Variants in MRPL21 observed in about 807,000 individuals in gnomAD.
MRPL21 encodes large ribosomal subunit protein bL21m.
Under a neutral mutation model 27.3 loss-of-function variants are expected in MRPL21, and 20 were observed. That is an observed-to-expected ratio of 0.73 (90% CI 0.52 to 1.06). The LOEUF (loss-of-function observed/expected upper bound fraction) is 1.06. Among genes scored for constraint, MRPL21 ranks in the 50% least tolerant of loss-of-function variants. The pLI is 0.00. For synonymous variants in MRPL21, 98 were observed against 101.5 expected (o/e 0.97, Z 0.21); for missense variants, 249 against 251.4 (o/e 0.99, Z 0.06).
chr11:68,891,493 C>A, intron 6 of MRPL21, 98 bp from the exon 7 acceptor site: 1 of 1,148,362 alleles, frequency 8.7e-7, no homozygotes, highest in Non-Finnish European at 1.3e-6. Context: ...CCAGCGCGAC[C>A]CCGGCAACGT....
rs1482728007 is a variant in MRPL21 at position 68,903,200 on chromosome 11, A to C, written c.88+523T>G. On this transcript the variant is annotated intron_variant, in intron 1 of 6. Transcript: ENST00000362034. ...CATAAACACTCATGCACACAAATACACACTCCAACCATTTTCAAGCAGAGA... is the reference window on the plus strand; with the variant it reads ...CATAAACACTCATGCACACAAATACCCACTCCAACCATTTTCAAGCAGAGA... 2.0e-5 allele frequency among the ~76,000 whole-genome samples: 3 copies of C among 152,304 alleles called. No homozygotes were observed. The East Asian group carries it at 5.8e-4, about 29-fold the overall frequency.
intron 2 of MRPL21, among the ~76,000 whole-genome samples, chr11:68,898,469 C>T (rs1171174141): frequency 2.0e-5 from 3 of 152,238 alleles, no homozygotes; most frequent in African/African-American, 4.8e-5. Context: ...CCTGCTCAAA[C>T]AGGACCATGA....
Position 68,896,573 on chromosome 11 carries a change from A to G in MRPL21, c.338T>C (p.Leu113Pro). ...SRQWKVTSED[L>P]ILIGNELDLA... ...GTCTAGTTCATTTCCAATTAAGATC[A>G]GGTCTTCAGAGGTCACCTTCCACTG... The change falls in exon 4 of 7, where the codon CTG becomes CCG. Residue 113 changes from leucine to proline, a missense_variant. Coordinates refer to ENST00000362034, the MANE Select transcript of MRPL21 (RefSeq NM_181514.2). The G allele has an allele frequency of 6.2e-7, 1 of 1,614,212 alleles. No homozygotes were observed. Among genetic ancestry groups the G allele is most frequent in the Non-Finnish European group, 8.5e-7 (1 of 1,180,020 alleles).
intron 1 of MRPL21, among the ~76,000 whole-genome samples, chr11:68,901,588 T>C (rs745994419): frequency 6.6e-6 from 1 of 152,196 alleles, no homozygotes; most frequent in African/African-American, 2.4e-5. Flanking sequence ...CATTTGCATC[T>C]CCTCGGCTGC....
chr11:68,903,374 G>A (rs1858019942), intron 1 of MRPL21, among the ~76,000 whole-genome samples: 1 of 152,142 alleles, frequency 6.6e-6, no homozygotes, highest in African/African-American at 2.4e-5. Context: ...TGGGGGCAGT[G>A]GTTCAAGCAC....
intron 2 of MRPL21, 141 bp downstream of exon 2, chr11:68,900,407 C>A: frequency 7.1e-6 from 6 of 840,668 alleles, no homozygotes; most frequent in Non-Finnish European, 1.1e-5. Flanking sequence ...GTCTGGGAAA[C>A]ATAGTGAAAC....
At chr11:68,897,785 A>AC in intron 3 of MRPL21, 142 bp downstream of exon 3, 2 of 625,808 alleles carry the variant, frequency 3.2e-6, no homozygotes, top group South Asian at 3.9e-5. Context: ...GTGAAAATGG[A>AC]CATGAGTGCT....
chr11:68,896,650 G>C lies in MRPL21; in HGVS notation c.261C>G (p.Ile87Met). ...AEVVKKVNEM[I>M]VTGQYGRLFA... is the part of the protein sequence containing the mutation. ...AGAGCCTGCCATACTGCCCCGTGAC[G>C]ATCATCTCATTCACCTTCTTCACGA... Residue 87 changes from isoleucine (I) to methionine (M), a missense_variant, in exon 4 of 7, where the codon ATC (isoleucine) becomes ATG (methionine). Physicochemically the swap from Ile to Met is conservative, Grantham distance 10. Transcript: ENST00000362034. The C allele has an allele frequency of 6.2e-7, 1 of 1,614,096 alleles. No homozygotes were observed. The highest frequency in any genetic ancestry group is 8.5e-7 in the Non-Finnish European group (1 of 1,179,994).
chr11:68,898,760 C>T (rs1418212032), intron 2 of MRPL21, among the ~76,000 whole-genome samples: 1 of 152,196 alleles, frequency 6.6e-6, no homozygotes, highest in Non-Finnish European at 1.5e-5. Context: ...TTCCCCTCCC[C>T]ACCCTCAGGA....
rs1455470871 is a variant in MRPL21, at chr11:68,903,577, C to T, written c.88+146G>A. 3.6e-5 allele frequency: 28 copies of T among 785,854 alleles called. 1 individual carries two copies. Among genetic ancestry groups the T allele is most frequent in the Middle Eastern group, 3.6e-4 (1 of 2,816 alleles). The allele number at this position is 785,854 out of a possible 1,614,324, so 48.7% of individuals were successfully genotyped here. On this transcript the variant is annotated intron_variant, in intron 1 of 6. Transcript: ENST00000362034. ...AGGAATCAAAATCTGAACCTGGGTT[C>T]CCCCGACTCCAAAACCCGTGCTATA...
intron 6 of MRPL21, 50 bp from the exon 7 acceptor site, chr11:68,891,445 T>C: frequency 1.9e-6 from 3 of 1,588,636 alleles, no homozygotes; most frequent in East Asian, 2.2e-5. Flanking sequence ...ACTGTTGTCA[T>C]CAGTTACAGC....
At chr11:68,895,921 C>T (rs1857774755) in intron 4 of MRPL21, among the ~76,000 whole-genome samples, 1 of 152,140 alleles carries the variant, frequency 6.6e-6, no homozygotes, top group Non-Finnish European at 1.5e-5. Context: ...TTCAAGCAAT[C>T]CCCCACCTTG....
chr11:68,893,204 G>C, intron 5 of MRPL21, 199 bp downstream of exon 5: 1 of 1,373,618 alleles, frequency 7.3e-7, no homozygotes, highest in Non-Finnish European at 9.6e-7. Flanking sequence ...ACACTGTCAT[G>C]AAACAGCAAG....
chr11:68,897,794 C>G (rs1857834563), intron 3 of MRPL21, 133 bp downstream of exon 3: 2 of 664,494 alleles, frequency 3.0e-6, no homozygotes, highest in Non-Finnish European at 5.4e-6. Flanking sequence ...GACATGAGTG[C>G]TGGCACTGTG....
chr11:68,892,687 T>C (rs3019589), intron 6 of MRPL21: 53 of 1,416,492 alleles, frequency 3.7e-5, no homozygotes, highest in East Asian at 2.0e-4. Context: ...GGGTCACGCG[T>C]GGAGCGTGGA....
intron 3 of MRPL21, among the ~76,000 whole-genome samples, chr11:68,897,222 G>A (rs1857817087): frequency 6.6e-6 from 1 of 152,110 alleles, no homozygotes; most frequent in African/African-American, 2.4e-5. Flanking sequence ...TGTTATCTCT[G>A]CTCTGACCCA....
chr11:68,894,549 T>C (rs975376033), intron 4 of MRPL21, among the ~76,000 whole-genome samples: 1 of 152,212 alleles, frequency 6.6e-6, no homozygotes, highest in Non-Finnish European at 1.5e-5. Context: ...CCCAAAGTGC[T>C]GGGATAACAG....
chr11:68,897,608 A>C, intron 3 of MRPL21: 1 of 348,730 alleles, frequency 2.9e-6, no homozygotes, highest in Non-Finnish European at 5.3e-6. Context: ...GGCTTCCAGT[A>C]ATTGTGCTTA....
rs748370669 is a variant in MRPL21, at chr11:68,893,437, C to T, written c.415G>A (p.Asp139Asn). ...RLEKVLLVGA[D>N]NFTLLGKPLL... ...GGCTTGCCAAGCAGCGTGAAGTTGT[C>T]TGCCCCAACCAGCAGGACCTGAAAA... Residue 139 changes from aspartate (D) to asparagine (N), a missense_variant, in exon 5 of 7, where the codon GAC (aspartate) becomes AAC (asparagine). Transcript: ENST00000362034. 6.2e-7 allele frequency: 1 copy of T among 1,614,200 alleles called. No homozygotes were observed.
Sources: gnomAD v4.1 joint callset for allele counts (sites outside exome capture counted in the v4.1 genomes callset) on GRCh38, gnomAD v4.1.1 for gene constraint, MANE v1.5 for transcripts, NCBI Gene and HGNC (gene_info 2026-07-23, HGNC 2026-07-21) for gene names.